KHDRBS2: variants seen among roughly 807,000 people sequenced by gnomAD.
KHDRBS2 encodes the protein KH RNA binding domain containing, signal transduction associated 2, also known as KH domain-containing, RNA-binding, signal transduction-associated protein 2.
In KHDRBS2, 26 loss-of-function variants were observed where a neutral mutation model predicts 44.3. The ratio of observed to expected loss-of-function variants is 0.59; its 90% confidence interval spans 0.43 to 0.81. The LOEUF is 0.81. KHDRBS2 is among the 40% of genes least tolerant of loss of function. KHDRBS2 has a pLI of 0.00. For missense variants in KHDRBS2, 476 were observed against 433.1 expected, an observed-to-expected ratio of 1.10 and a Z score of -0.88; for synonymous variants, 194 against 151.1, an observed-to-expected ratio of 1.28 and a Z score of -2.08.
At chr6:61,722,358 G>A (rs898066123) in intron 7 of KHDRBS2, among the ~76,000 whole-genome samples, 1 of 152,088 alleles carries the variant, frequency 6.6e-6, no homozygotes, top group South Asian at 2.1e-4. Flanking sequence ...ATAACTGGGG[G>A]ATTAATTAAA....
At chr6:61,731,779 AAC>A (rs1774496520) in intron 7 of KHDRBS2, among the ~76,000 whole-genome samples, 9 of 152,094 alleles carry the variant, frequency 5.9e-5, no homozygotes. Flanking sequence ...TGAAATTTGT[AAC>A]ACTTTTAAGA....
chr6:61,570,695 A>T, the KHDRBS2 span, among the ~76,000 whole-genome samples: 1 of 152,192 alleles, frequency 6.6e-6, no homozygotes, highest in Non-Finnish European at 1.5e-5. Context: ...CTATAGAGGA[A>T]AACCTATCAG....
the KHDRBS2 span, among the ~76,000 whole-genome samples, chr6:61,548,289 G>A: frequency 2.0e-5 from 3 of 152,052 alleles, no homozygotes; most frequent in East Asian, 1.9e-4. Flanking sequence ...TTTTATGAGG[G>A]CTATATATAT....
chr6:62,064,039 A>C (rs1204391579), intron 2 of KHDRBS2, among the ~76,000 whole-genome samples: 1 of 144,110 alleles, frequency 6.9e-6, no homozygotes, highest in Non-Finnish European at 1.5e-5. Context: ...AATTGCTTCA[A>C]AGAGAATAAA....
At position 62,173,993 on chromosome 6, in the gene KHDRBS2, C is replaced by A. The variant is rs553815838; in HGVS notation, c.219+3192G>T. On this transcript the variant is annotated intron_variant, in intron 2 of 8. Transcript: ENST00000281156. Reference sequence around the variant, plus strand: ...AAGCTGGAAGCACTCACCTTCAAAACCAGAACAGACAGTGACACCCTCTCT... The same window carrying A: ...AAGCTGGAAGCACTCACCTTCAAAAACAGAACAGACAGTGACACCCTCTCT... 5.3e-5 allele frequency among the ~76,000 whole-genome samples: 8 copies of A among 151,348 alleles called. No individual in the cohort carries two copies. In the South Asian group the frequency reaches 1.7e-3, roughly 31 times the overall value.
intron 1 of KHDRBS2, among the ~76,000 whole-genome samples, chr6:62,198,001 G>T (rs1225438956): frequency 2.6e-5 from 4 of 151,990 alleles, no homozygotes; most frequent in Non-Finnish European, 5.9e-5. Context: ...GGTAAAAAAC[G>T]AAATAAAGGC....
chr6:61,697,522 T>C (rs540319006), intron 7 of KHDRBS2, among the ~76,000 whole-genome samples: 1 of 152,036 alleles, frequency 6.6e-6, no homozygotes, highest in East Asian at 1.9e-4. Context: ...AGTATAACAC[T>C]TCAAAATCTG....
chr6:61,994,263 C>T (rs1352528190), intron 3 of KHDRBS2, among the ~76,000 whole-genome samples: 2 of 152,166 alleles, frequency 1.3e-5, no homozygotes, highest in Admixed American at 6.5e-5. Flanking sequence ...CTTATAGATT[C>T]AAAGACTCCC....
chr6:62,083,436 A>G (rs1797800030), intron 2 of KHDRBS2, among the ~76,000 whole-genome samples: 1 of 152,176 alleles, frequency 6.6e-6, no homozygotes, highest in African/African-American at 2.4e-5. Context: ...CCTGGATGCC[A>G]GAGAAGGACC....
chr6:61,991,722 G>A (rs997037936), intron 3 of KHDRBS2, among the ~76,000 whole-genome samples: 1 of 152,142 alleles, frequency 6.6e-6, no homozygotes, highest in Non-Finnish European at 1.5e-5. Context: ...TCAGTTTCCG[G>A]GAGGACATCT....
At chr6:62,021,143 C>T (rs548874299) in intron 3 of KHDRBS2, among the ~76,000 whole-genome samples, 33 of 151,910 alleles carry the variant, frequency 2.2e-4, no homozygotes, top group Admixed American at 1.6e-3. Context: ...ATCCAAATAC[C>T]GCCTATTCCC....
intron 2 of KHDRBS2, among the ~76,000 whole-genome samples, chr6:62,061,729 A>G (rs1012572477): frequency 7.3e-5 from 11 of 150,086 alleles, no homozygotes; most frequent in African/African-American, 2.7e-4. Flanking sequence ...CTGCCTTGCT[A>G]GATTGGGGAA....
At chr6:62,057,615 AAC>A (rs1323341512) in intron 2 of KHDRBS2, among the ~76,000 whole-genome samples, 3 of 151,988 alleles carry the variant, frequency 2.0e-5, no homozygotes, top group Non-Finnish European at 2.9e-5. Flanking sequence ...AAATAAATCA[AAC>A]ACTACACACC....
At chr6:61,998,676 C>T (rs1584058081) in intron 3 of KHDRBS2, among the ~76,000 whole-genome samples, 1 of 151,918 alleles carries the variant, frequency 6.6e-6, no homozygotes, top group Middle Eastern at 3.4e-3. Context: ...TTGTTTTCTC[C>T]TTTGTCCTTC....
At chr6:62,104,959 T>C (rs1044436340) in intron 2 of KHDRBS2, among the ~76,000 whole-genome samples, 1 of 152,034 alleles carries the variant, frequency 6.6e-6, no homozygotes, top group Non-Finnish European at 1.5e-5. Context: ...AGAAATGACA[T>C]CCTTATAGAT....
the KHDRBS2 span, among the ~76,000 whole-genome samples, chr6:61,614,644 T>C: frequency 3.3e-5 from 5 of 152,180 alleles, no homozygotes; most frequent in African/African-American, 1.2e-4. Context: ...GTTAGTCCAC[T>C]GACATTTTTA....
chr6:62,272,928 G>C (rs1291688507), intron 1 of KHDRBS2, among the ~76,000 whole-genome samples: 1 of 152,152 alleles, frequency 6.6e-6, no homozygotes, highest in Non-Finnish European at 1.5e-5. Flanking sequence ...GTAGTTTACA[G>C]TGAGCAAAAG....
At chr6:61,768,278 G>A (rs1436399262) in intron 6 of KHDRBS2, among the ~76,000 whole-genome samples, 3 of 152,086 alleles carry the variant, frequency 2.0e-5, no homozygotes, top group African/African-American at 7.2e-5. Context: ...CAGTGCTTAG[G>A]ATCTTTCTTT....
At chr6:61,620,379 A>T in the KHDRBS2 span, among the ~76,000 whole-genome samples, 1 of 152,152 alleles carries the variant, frequency 6.6e-6, no homozygotes, top group African/African-American at 2.4e-5. Context: ...AACAGTATCT[A>T]TTCTTTCCAA....
Sources: gnomAD v4.1 joint callset for allele counts (sites outside exome capture counted in the v4.1 genomes callset) on GRCh38, gnomAD v4.1.1 for gene constraint, MANE v1.5 for transcripts, NCBI Gene and HGNC (gene_info 2026-07-23, HGNC 2026-07-21) for gene names.